SLC60A1: variants seen among roughly 807,000 people sequenced by gnomAD.
SLC60A1 encodes solute carrier family 60 member 1.
chr1:205,572,408 G>A, the SLC60A1 span, among the ~76,000 whole-genome samples: 1 of 152,074 alleles, frequency 6.6e-6, no homozygotes, highest in Admixed American at 6.5e-5. Flanking sequence ...TTAACAGAGG[G>A]TTTGTCAGAG....
the SLC60A1 span, among the ~76,000 whole-genome samples, chr1:205,574,563 C>T: frequency 6.6e-6 from 1 of 152,164 alleles, no homozygotes; most frequent in Non-Finnish European, 1.5e-5. Flanking sequence ...AAAGTCGCTG[C>T]ACTCTTGGAG....
At chr1:205,576,582 G>C in the SLC60A1 span, among the ~76,000 whole-genome samples, 1 of 152,206 alleles carries the variant, frequency 6.6e-6, no homozygotes. Flanking sequence ...TGCCAAAACT[G>C]TTTTGACATG....
the SLC60A1 span, chr1:205,597,919 G>A: frequency 1.4e-6 from 2 of 1,467,378 alleles, no homozygotes; most frequent in Non-Finnish European, 9.5e-7. Flanking sequence ...AGAAGATGCA[G>A]ATAGCCACCT....
At chr1:205,593,775 T>G in the SLC60A1 span, among the ~76,000 whole-genome samples, 1 of 152,212 alleles carries the variant, frequency 6.6e-6, no homozygotes, top group Non-Finnish European at 1.5e-5. Context: ...TGAAAGTAGC[T>G]GAAAATAACC....
chr1:205,597,688 T>C, the SLC60A1 span: 36 of 1,339,962 alleles, frequency 2.7e-5, no homozygotes, highest in South Asian at 3.8e-4. Flanking sequence ...GAAATGCATA[T>C]GCCACTGTGC....
the SLC60A1 span, among the ~76,000 whole-genome samples, chr1:205,592,599 C>G: frequency 6.6e-6 from 1 of 152,024 alleles, no homozygotes; most frequent in African/African-American, 2.4e-5. Flanking sequence ...CCAGCACCAT[C>G]TCCCAGCGAG....
the SLC60A1 span, among the ~76,000 whole-genome samples, chr1:205,574,506 C>G: frequency 1.3e-5 from 2 of 152,036 alleles, no homozygotes; most frequent in Non-Finnish European, 2.9e-5. Context: ...CAACAAATAC[C>G]TCTTGAGCCG....
chr1:205,591,483 C>CA, the SLC60A1 span, among the ~76,000 whole-genome samples: 17,888 of 86,770 alleles, frequency 0.21, 1,696 homozygotes, highest in South Asian at 0.43. Flanking sequence ...CCCTGTCTCT[C>CA]AAAAAAAAAA....
At chr1:205,596,611 G>A in the SLC60A1 span, among the ~76,000 whole-genome samples, 7,651 of 146,784 alleles carry the variant, frequency 0.052, 632 homozygotes, top group African/African-American at 0.18. Flanking sequence ...AAGAGGAGGA[G>A]GATGAATGTT....
the SLC60A1 span, among the ~76,000 whole-genome samples, chr1:205,575,917 C>CCACT: frequency 1.1e-4 from 17 of 152,274 alleles, no homozygotes; most frequent in East Asian, 3.1e-3. Context: ...AAGACCAATG[C>CCACT]CACTCTGCCA....
chr1:205,584,414 G>A, the SLC60A1 span, among the ~76,000 whole-genome samples: 1 of 151,562 alleles, frequency 6.6e-6, no homozygotes, highest in Non-Finnish European at 1.5e-5. Context: ...AGTAGAGAAG[G>A]GGTTTCGCCA....
chr1:205,591,889 T>G, the SLC60A1 span: 5 of 465,198 alleles, frequency 1.1e-5, no homozygotes, highest in Non-Finnish European at 2.0e-5. Context: ...ACCGTAGCTG[T>G]TAGGGGAGAT....
chr1:205,592,320 C>T, the SLC60A1 span: 1 of 1,591,874 alleles, frequency 6.3e-7, no homozygotes. Context: ...GAGGCGCGCT[C>T]TATCTAGCTG....
the SLC60A1 span, among the ~76,000 whole-genome samples, chr1:205,582,809 G>C: frequency 6.6e-6 from 1 of 152,356 alleles, no homozygotes; most frequent in East Asian, 1.9e-4. Flanking sequence ...TCACCATAGG[G>C]AGGTGCCAAC....
At chr1:205,587,175 C>A in the SLC60A1 span, among the ~76,000 whole-genome samples, 1 of 152,242 alleles carries the variant, frequency 6.6e-6, no homozygotes. Context: ...ATTGTCTAGT[C>A]CAACCTCCCA....
At chr1:205,591,294 G>A in the SLC60A1 span, among the ~76,000 whole-genome samples, 1 of 151,950 alleles carries the variant, frequency 6.6e-6, no homozygotes, top group Non-Finnish European at 1.5e-5. Flanking sequence ...ACCAGCCTGG[G>A]CAACATGGCG....
chr1:205,592,217 C>T, the SLC60A1 span: 2 of 1,614,138 alleles, frequency 1.2e-6, no homozygotes, highest in Admixed American at 3.3e-5. Flanking sequence ...GGACGGCAAG[C>T]CTGGGCCTGT....
At chr1:205,572,308 T>C in the SLC60A1 span, among the ~76,000 whole-genome samples, 1 of 152,098 alleles carries the variant, frequency 6.6e-6, no homozygotes, top group Non-Finnish European at 1.5e-5. Context: ...GACCCCTTTA[T>C]CTCGAAGGCG....
At chr1:205,572,299 A>AC in the SLC60A1 span, among the ~76,000 whole-genome samples, 2 of 151,116 alleles carry the variant, frequency 1.3e-5, no homozygotes, top group South Asian at 2.1e-4. Flanking sequence ...GAATTAGGAG[A>AC]CCCCTTTATC....
Sources: allele counts gnomAD v4.1 joint callset (sites outside exome capture counted in the v4.1 genomes callset), GRCh38; gene constraint gnomAD v4.1.1; transcripts MANE v1.5; gene names NCBI Gene and HGNC (gene_info 2026-07-23, HGNC 2026-07-21).